Variants in TRHDE observed in about 807,000 individuals in gnomAD.
TRHDE encodes the protein thyrotropin-releasing hormone-degrading ectoenzyme.
Under a neutral mutation model 125.7 loss-of-function variants are expected in TRHDE, and 72 were observed. The ratio of observed to expected loss-of-function variants is 0.57; its 90% CI spans 0.47 to 0.70. The LOEUF (loss-of-function observed/expected upper bound fraction) is 0.70. Ranked by LOEUF, TRHDE falls within the 30% of genes least tolerant of loss-of-function variation. The pLI is 0.00. For synonymous variants in TRHDE, 509 were observed against 509.1 expected (o/e 1.00, Z 0.00); for missense variants, 1,110 against 1,327.1 (o/e 0.84, Z 2.54).
chr12:72,518,087 G>T (rs1374484229), intron 6 of TRHDE, among the ~76,000 whole-genome samples: 1 of 149,808 alleles, frequency 6.7e-6, no homozygotes, highest in Non-Finnish European at 1.5e-5. Context: ...TTTTAGAATA[G>T]GTGTGGTGTG....
intron 5 of TRHDE, among the ~76,000 whole-genome samples, chr12:72,485,352 G>A (rs1302007142): frequency 2.0e-5 from 3 of 152,132 alleles, no homozygotes; most frequent in African/African-American, 7.2e-5. Flanking sequence ...CTGGTAGCAT[G>A]CCATTCCTGA....
At chr12:72,246,533 T>C (rs1162820061) in intron 2 of TRHDE, among the ~76,000 whole-genome samples, 1 of 152,218 alleles carries the variant, frequency 6.6e-6, no homozygotes, top group Non-Finnish European at 1.5e-5. Context: ...TTATCTTTCT[T>C]GATCAGCAGT....
intron 15 of TRHDE, among the ~76,000 whole-genome samples, chr12:72,622,633 G>A (rs1183141267): frequency 1.3e-5 from 2 of 151,988 alleles, no homozygotes; most frequent in South Asian, 2.1e-4. Flanking sequence ...GATCCCATGA[G>A]CAACAAAGAA....
intron 2 of TRHDE, among the ~76,000 whole-genome samples, chr12:72,238,621 C>T (rs567249057): frequency 6.6e-6 from 1 of 151,578 alleles, no homozygotes; most frequent in Non-Finnish European, 1.5e-5. Flanking sequence ...TCAACTCCCA[C>T]TTATGAGTGA....
At chr12:72,435,574 A>T (rs964642914) in intron 3 of TRHDE, among the ~76,000 whole-genome samples, 33 of 151,886 alleles carry the variant, frequency 2.2e-4, no homozygotes, top group Non-Finnish European at 4.1e-4. Context: ...TTGAAAAAAA[A>T]TCCATAATAC....
chr12:72,467,056 C>G lies in TRHDE; in HGVS notation c.1316-2702C>G, dbSNP rs191826038. ...TTGTATATATGAATGCATAGATTAC[C>G]TGTTTCTGCCCGTTGATATCCTATT... On this transcript the variant is annotated intron_variant, in intron 3 of 18. Transcript: ENST00000261180. Among the ~76,000 whole-genome samples, 491 of 152,260 alleles carry G rather than the reference C, an allele frequency of 3.2e-3. 1 individual carries two copies. Among genetic ancestry groups the G allele is most frequent in the African/African-American group, 0.011 (455 of 41,574 alleles).
chr12:72,614,330 A>ATATATATATATATTTT (rs531067163), intron 12 of TRHDE, among the ~76,000 whole-genome samples: 52 of 129,840 alleles, frequency 4.0e-4, no homozygotes, highest in African/African-American at 1.4e-3. Context: ...ATATATATAT[A>ATATATATATATATTTT]TTTTTTTTTT....
intron 6 of TRHDE, among the ~76,000 whole-genome samples, chr12:72,504,854 ATC>A (rs1448026746): frequency 6.6e-6 from 1 of 152,112 alleles, no homozygotes; most frequent in East Asian, 1.9e-4. Flanking sequence ...CTCCCTAAAG[ATC>A]TCTGTTACTA....
chr12:72,481,322 T>TAA lies in TRHDE; in HGVS notation c.1584+8155_1584+8156dup, dbSNP rs769318710. On this transcript the variant is annotated intron_variant, in intron 5 of 18. Coordinates refer to ENST00000261180, the MANE Select transcript of TRHDE (RefSeq NM_013381.3). ...AAAGTAGTGAGTTCAAGTGATAGAA[T>TAA]AAAAAAAAAAAAAACCAGAAAAATA... Among the ~76,000 whole-genome samples the TAA allele has an allele frequency of 2.9e-4, 16 of 54,780 alleles. 1 individual carries two copies. Among genetic ancestry groups the TAA allele is most frequent in the African/African-American group, 5.9e-4 (12 of 20,182 alleles). 35.9% of individuals were successfully genotyped at this position (54,780 alleles called of 152,430 possible). A position where few individuals can be genotyped will look rare whatever the true frequency, so the allele number is the denominator to read the frequency against.
At chr12:72,545,148 T>G (rs1869352655) in intron 7 of TRHDE, among the ~76,000 whole-genome samples, 1 of 151,492 alleles carries the variant, frequency 6.6e-6, no homozygotes, top group African/African-American at 2.4e-5. Context: ...TGAATTGAGC[T>G]TGAACATTTC....
intron 15 of TRHDE, among the ~76,000 whole-genome samples, chr12:72,640,878 C>T (rs181289474): frequency 1.3e-5 from 2 of 152,344 alleles, no homozygotes; most frequent in Admixed American, 1.3e-4. Flanking sequence ...AAATCAATGG[C>T]ACGTATACTA....
At chr12:72,269,195 T>G (rs1317239005), upstream of TRHDE, among the ~76,000 whole-genome samples, 6 of 152,176 alleles carry the variant, frequency 3.9e-5, no homozygotes, top group East Asian at 1.2e-3. Context: ...CTAAAGTGCT[T>G]GCTTCTTTGG....
intron 12 of TRHDE, among the ~76,000 whole-genome samples, chr12:72,584,413 A>G (rs776773434): frequency 2.6e-5 from 4 of 152,132 alleles, no homozygotes; most frequent in East Asian, 1.9e-4. Flanking sequence ...AGAACACAAC[A>G]TTCACTCTCT....
intron 2 of TRHDE, among the ~76,000 whole-genome samples, chr12:72,125,273 C>T (rs2139303974): frequency 6.6e-6 from 1 of 152,116 alleles, no homozygotes; most frequent in East Asian, 1.9e-4. Flanking sequence ...TGTTCTGGAT[C>T]TTTGTGGTGC....
Position 72,567,777 on chromosome 12 carries a change from A to AT in TRHDE, c.2043-789dup, listed in dbSNP as rs1870520956. On this transcript the variant is annotated intron_variant, in intron 9 of 18. Coordinates refer to ENST00000261180, the MANE Select transcript of TRHDE (RefSeq NM_013381.3). ...TTTCAAGAAGGAAACAAATATAGTCATTGGACTTATTGTAAGACCATCCAG... is the reference window on the plus strand; with the variant it reads ...TTTCAAGAAGGAAACAAATATAGTCATTTGGACTTATTGTAAGACCATCCAG... 2.0e-5 allele frequency among the ~76,000 whole-genome samples: 3 copies of AT among 152,106 alleles called. No homozygotes were observed. The South Asian group carries it at 6.2e-4, about 31-fold the overall frequency.
In TRHDE at chr12:72,098,436, G is replaced by A. The variant is rs1874988851; in HGVS notation, n.175-7212G>A. Among the ~76,000 whole-genome samples the A allele has an allele frequency of 5.3e-5, 8 of 152,020 alleles. No individual in the cohort carries two copies. The South Asian group carries it at 1.5e-3, about 28-fold the overall frequency. ...TAAACATTTTTTTTTTGTGGTTGTG[G>A]TAATCGTTTATGGCCACAATTTCTT... is the stretch of plus-strand genomic sequence containing the variant. On this transcript the variant is annotated intron_variant and non_coding_transcript_variant, in intron 1 of 4. Transcript: ENST00000548156.
intron 5 of TRHDE, among the ~76,000 whole-genome samples, chr12:72,487,954 T>C (rs1877487835): frequency 1.3e-5 from 2 of 151,964 alleles, no homozygotes; most frequent in South Asian, 2.1e-4. Context: ...CTTAAAACAA[T>C]TGATTATAAG....
upstream of TRHDE, chr12:72,271,837 C>A: frequency 2.3e-6 from 1 of 443,886 alleles, no homozygotes. Context: ...AGGGGATGGC[C>A]CGGCCGGACA....
intron 6 of TRHDE, among the ~76,000 whole-genome samples, chr12:72,521,736 G>T (rs1363138468): frequency 6.6e-6 from 1 of 152,194 alleles, no homozygotes; most frequent in Admixed American, 6.5e-5. Flanking sequence ...ACGATTTTAA[G>T]ATGAAATGTG....
Sources: allele counts gnomAD v4.1 joint callset (sites outside exome capture counted in the v4.1 genomes callset), GRCh38; gene constraint gnomAD v4.1.1; transcripts MANE v1.5; gene names NCBI Gene and HGNC (gene_info 2026-07-23, HGNC 2026-07-21).